Variants in OR56A3 observed in about 807,000 individuals in gnomAD.
OR56A3 encodes the protein olfactory receptor family 56 subfamily A member 3, also known as olfactory receptor 56A3.
OR56A3 carries 23 observed loss-of-function variants against 17.5 expected under a neutral mutation model. The ratio of observed to expected loss-of-function variants is 1.32; its 90% confidence interval spans 0.95 to 1.87. OR56A3 has a LOEUF of 1.87. OR56A3 is among the 40% of genes most tolerant of loss of function. OR56A3 has a pLI of 0.00. For synonymous variants in OR56A3, 175 were observed against 150.6 expected (o/e 1.16, Z -1.19); for missense variants, 366 against 380.1 (o/e 0.96, Z 0.31).
the OR56A3 span, among the ~76,000 whole-genome samples, chr11:5,995,680 G>A: frequency 1.3e-5 from 2 of 152,170 alleles, no homozygotes; most frequent in Non-Finnish European, 2.9e-5. Flanking sequence ...ATGTGGAATA[G>A]TTAAATCTAG....
the OR56A3 span, among the ~76,000 whole-genome samples, chr11:5,975,107 G>A: frequency 1.3e-5 from 2 of 152,322 alleles, no homozygotes; most frequent in African/African-American, 4.8e-5. Context: ...TCAGTATAAA[G>A]AGAGAGTCCA....
chr11:5,961,933 T>C, the OR56A3 span, among the ~76,000 whole-genome samples: 2 of 152,150 alleles, frequency 1.3e-5, no homozygotes, highest in Non-Finnish European at 2.9e-5. Flanking sequence ...CCAATATTAG[T>C]AAAGAGAAGG....
At chr11:6,019,714 A>G in the OR56A3 span, 1 of 152,180 alleles carries the variant, frequency 6.6e-6, no homozygotes, top group Non-Finnish European at 1.5e-5. Context: ...TAAAAAGACA[A>G]TATGTCAGGC....
At chr11:5,963,291 T>C in the OR56A3 span, among the ~76,000 whole-genome samples, 1 of 152,130 alleles carries the variant, frequency 6.6e-6, no homozygotes, top group Non-Finnish European at 1.5e-5. Flanking sequence ...TGAGATGCTT[T>C]TTCTTTATTC....
At position 5,949,647 on chromosome 11, in the gene OR56A3, T is replaced by C. The variant is rs774371633; in HGVS notation, c.*1353T>C. On this transcript the variant is annotated 3_prime_UTR_variant, in exon 3 of 3. Transcript: ENST00000641160. Reference sequence around the variant, plus strand: ...CAAGGAAAATTTCTCAAGTATCAAATACCAAGACTGTCCCAAATGTCCGAA... The same window carrying C: ...CAAGGAAAATTTCTCAAGTATCAAACACCAAGACTGTCCCAAATGTCCGAA... 1 of 152,158 alleles carries C rather than the reference T, an allele frequency of 6.6e-6. No individual in the cohort carries two copies. The highest frequency in any genetic ancestry group is 2.4e-5 in the African/African-American group (1 of 41,448). The allele number at this position is 152,158 out of a possible 1,614,324, so 9.4% of individuals were successfully genotyped here. A position where few individuals can be genotyped will look rare whatever the true frequency, so the allele number is the denominator to read the frequency against.
the OR56A3 span, among the ~76,000 whole-genome samples, chr11:5,984,388 G>C: frequency 7.9e-5 from 12 of 152,266 alleles, no homozygotes; most frequent in African/African-American, 2.9e-4. Flanking sequence ...GTTTATTTCT[G>C]TTTCAGGTTC....
At chr11:5,986,592 G>A in the OR56A3 span, 42 of 1,613,838 alleles carry the variant, frequency 2.6e-5, no homozygotes, top group Non-Finnish European at 3.2e-5. Context: ...TCAGGCAGAC[G>A]ATGTACCCAA....
chr11:5,967,427 A>T, the OR56A3 span: 2 of 697,276 alleles, frequency 2.9e-6, no homozygotes, highest in African/African-American at 1.8e-5. Flanking sequence ...TAATCAATTG[A>T]AACACTGAAG....
chr11:5,967,876 A>C, the OR56A3 span: 1 of 1,578,238 alleles, frequency 6.3e-7, no homozygotes, highest in Admixed American at 1.8e-5. Flanking sequence ...AGCAGGGTCC[A>C]ACCTATAACA....
the OR56A3 span, among the ~76,000 whole-genome samples, chr11:5,983,481 AT>A: frequency 6.6e-6 from 1 of 151,646 alleles, no homozygotes; most frequent in Non-Finnish European, 1.5e-5. Context: ...AAAAAAAAAA[AT>A]CTCCTGCCCC....
At chr11:5,995,580 T>G in the OR56A3 span, among the ~76,000 whole-genome samples, 1 of 152,214 alleles carries the variant, frequency 6.6e-6, no homozygotes, top group Non-Finnish European at 1.5e-5. Flanking sequence ...CCATCAAGGT[T>G]CCTTTAAAGA....
At chr11:5,975,705 T>C in the OR56A3 span, among the ~76,000 whole-genome samples, 62 of 152,118 alleles carry the variant, frequency 4.1e-4, no homozygotes, top group Admixed American at 3.3e-3. Flanking sequence ...TGATTTATAG[T>C]CCTTTGGGCA....
At chr11:6,010,071 A>T in the OR56A3 span, among the ~76,000 whole-genome samples, 155 of 151,890 alleles carry the variant, frequency 1.0e-3, no homozygotes, top group Non-Finnish European at 1.6e-3. Context: ...GTGTTTTTTT[A>T]AAAAAAATAC....
At chr11:5,982,697 T>G in the OR56A3 span, among the ~76,000 whole-genome samples, 1 of 152,160 alleles carries the variant, frequency 6.6e-6, no homozygotes, top group Non-Finnish European at 1.5e-5. Context: ...GCCAGTCCCA[T>G]GCCAAACCCT....
the OR56A3 span, chr11:5,986,214 GATGTGGGCATAGGAAACACCA>G: frequency 4.3e-6 from 7 of 1,613,782 alleles, no homozygotes; most frequent in African/African-American, 1.3e-5. Context: ...CTGCCTGGAG[GATGTGGGCATAGGAAACACCA>G]ATGGCCAGAA....
the OR56A3 span, among the ~76,000 whole-genome samples, chr11:5,988,114 G>A: frequency 1.3e-5 from 2 of 152,116 alleles, no homozygotes; most frequent in African/African-American, 4.8e-5. Flanking sequence ...GCTTACCTAT[G>A]CCTTTTGTGT....
chr11:5,973,045 T>G, the OR56A3 span, among the ~76,000 whole-genome samples: 1 of 152,206 alleles, frequency 6.6e-6, no homozygotes, highest in Non-Finnish European at 1.5e-5. Flanking sequence ...TTTTCAGAAT[T>G]TCTTAAGAAA....
chr11:5,961,476 G>T, the OR56A3 span, among the ~76,000 whole-genome samples: 4 of 152,276 alleles, frequency 2.6e-5, no homozygotes, highest in South Asian at 6.2e-4. Flanking sequence ...TGAAACAGGT[G>T]CTGTGTCCAC....
At chr11:5,956,648 T>C in the OR56A3 span, among the ~76,000 whole-genome samples, 1 of 152,344 alleles carries the variant, frequency 6.6e-6, no homozygotes, top group African/African-American at 2.4e-5. Flanking sequence ...ACTCCTCAAC[T>C]TCTCACTGCT....
Sources: gnomAD v4.1 joint callset for allele counts (sites outside exome capture counted in the v4.1 genomes callset) on GRCh38, gnomAD v4.1.1 for gene constraint, MANE v1.5 for transcripts, NCBI Gene and HGNC (gene_info 2026-07-23, HGNC 2026-07-21) for gene names.